Variants in ZBED6 observed in about 807,000 individuals in gnomAD.
ZBED6 encodes the protein zinc finger BED-type containing 6, also known as zinc finger BED domain-containing protein 6.
A neutral mutation model predicts 58.4 loss-of-function variants in ZBED6; 40 were observed. The observed-to-expected ratio is 0.68, with a 90% CI of 0.53 to 0.89. The LOEUF is 0.89. Among genes scored for constraint, ZBED6 ranks in the 40% least tolerant of loss-of-function variants. The pLI, the probability that ZBED6 is intolerant of heterozygous loss-of-function variation, is 0.00. For missense variants in ZBED6, 1,057 were observed against 1,003.9 expected, an observed-to-expected ratio of 1.05 and a Z score of -0.71; for synonymous variants, 439 against 350.6, an observed-to-expected ratio of 1.25 and a Z score of -2.82.
chr1:203,831,232 T>C (rs1247737538), intron 7 of ZBED6, among the ~76,000 whole-genome samples: 2 of 151,958 alleles, frequency 1.3e-5, no homozygotes, highest in Non-Finnish European at 2.9e-5. Flanking sequence ...TGAAGTGTAG[T>C]ATATATAGAG....
chr1:203,816,549 T>G (rs1415257914), intron 1 of ZBED6, among the ~76,000 whole-genome samples: 1 of 152,150 alleles, frequency 6.6e-6, no homozygotes, highest in Non-Finnish European at 1.5e-5. Flanking sequence ...GAGAATCCCT[T>G]GAGCCCAGGA....
At chr1:203,797,847 C>G in exon 1 of ZBED6, 1 of 1,536,066 alleles carries the variant, frequency 6.5e-7, no homozygotes, top group East Asian at 2.4e-5. Context: ...TGACCCTGAG[C>G]AGGATGAAGA....
At chr1:203,818,769 CTT>C in intron 3 of ZBED6, 80 bp downstream of exon 3, 5 of 1,599,556 alleles carry the variant, frequency 3.1e-6, no homozygotes, top group Non-Finnish European at 3.4e-6. Context: ...ACAAAAGTGA[CTT>C]TTAAAAAATA....
chr1:203,817,398 G>C (rs1325873846), intron 2 of ZBED6, among the ~76,000 whole-genome samples: 2 of 149,632 alleles, frequency 1.3e-5, no homozygotes, highest in Non-Finnish European at 3.0e-5. Flanking sequence ...TCTGTTCAGG[G>C]TGCCTTTGGA....
chr1:203,806,089 A>G, intron 1 of ZBED6: 2 of 503,972 alleles, frequency 4.0e-6, no homozygotes, highest in South Asian at 1.6e-5. Context: ...TTTCTGCGTA[A>G]TCATATTCTT....
chr1:203,828,107 C>G (rs760301314), intron 3 of ZBED6, among the ~76,000 whole-genome samples, 192 bp from the exon 4 acceptor site: 1 of 152,182 alleles, frequency 6.6e-6, no homozygotes, highest in Non-Finnish European at 1.5e-5. Flanking sequence ...AAACTACTCT[C>G]CTGCTCCATT....
intron 9 of ZBED6, chr1:203,835,499 GATTTTAAGAGCAGT>G (rs1229007018): frequency 6.4e-6 from 1 of 157,432 alleles, no homozygotes; most frequent in African/African-American, 2.4e-5. Context: ...AACAGTTCTA[GATTTTAAGAGCAGT>G]ATTTTATTTT....
exon 17 of ZBED6, chr1:203,853,175 CTTTTT>C (rs1271760500): frequency 6.6e-6 from 1 of 151,464 alleles, no homozygotes; most frequent in East Asian, 2.0e-4. Context: ...GAAAATTGTC[CTTTTT>C]CTTCTTCAGT....
exon 1 of ZBED6, chr1:203,800,266 C>T: frequency 9.6e-7 from 1 of 1,045,290 alleles, no homozygotes. Context: ...AGTTGGCAAT[C>T]TGAATGTATC....
At chr1:203,842,163 CCAGG>C (rs1447874049) in intron 11 of ZBED6, among the ~76,000 whole-genome samples, 2 of 151,664 alleles carry the variant, frequency 1.3e-5, no homozygotes, top group African/African-American at 4.8e-5. Context: ...CGATGGGCGG[CCAGG>C]CAGAGACGCT....
intron 1 of ZBED6, chr1:203,806,294 T>C (rs913517380): frequency 8.6e-6 from 2 of 231,572 alleles, no homozygotes; most frequent in Admixed American, 5.5e-5. Context: ...CCCATACACC[T>C]TTTTTTCTTT....
At chr1:203,805,741 T>TG (rs1463365607) in intron 1 of ZBED6, 2 of 669,180 alleles carry the variant, frequency 3.0e-6, no homozygotes, top group Non-Finnish European at 5.7e-6. Context: ...ATAGAACTCT[T>TG]GGTCAGCCAC....
chr1:203,850,480 C>G, intron 14 of ZBED6, 35 bp from the exon 15 acceptor site: 1 of 1,612,676 alleles, frequency 6.2e-7, no homozygotes, highest in Non-Finnish European at 8.5e-7. Flanking sequence ...AGAGTCTATT[C>G]TCACTGCTTA....
At chr1:203,817,921 T>G (rs1676912991) in intron 2 of ZBED6, among the ~76,000 whole-genome samples, 1 of 152,034 alleles carries the variant, frequency 6.6e-6, no homozygotes, top group Non-Finnish European at 1.5e-5. Context: ...CCCAGCTAAC[T>G]GTATTTTTAG....
At chr1:203,834,553 T>C (rs1683593253) in intron 9 of ZBED6, among the ~76,000 whole-genome samples, 1 of 152,160 alleles carries the variant, frequency 6.6e-6, no homozygotes, top group Admixed American at 6.5e-5. Context: ...ATTACAGGCA[T>C]GAGATACCAT....
chr1:203,827,606 C>T (rs377172105), intron 3 of ZBED6, among the ~76,000 whole-genome samples: 5 of 151,432 alleles, frequency 3.3e-5, no homozygotes, highest in East Asian at 3.9e-4. Flanking sequence ...GGCGTGAACC[C>T]GGGAGGCGGA....
At position 203,840,383 on chromosome 1, in the gene ZBED6, A is replaced by G. The variant is rs762758627; in HGVS notation, c.*3741+9A>G. ...TAATGAGGATGCAACAGGTAAGTAA[A>G]TCCTAAGACCAGATTCTGATTATTT... On this transcript the variant is annotated intron_variant, in intron 11 of 16. Coordinates refer to ENST00000550078, the Ensembl canonical transcript of ZBED6. 1.9e-6 allele frequency: 3 copies of G among 1,611,434 alleles called. No homozygotes were observed. Among genetic ancestry groups the G allele is most frequent in the Non-Finnish European group, 2.5e-6 (3 of 1,178,488 alleles).
chr1:203,800,404 G>A (rs7540041), exon 1 of ZBED6: 170,686 of 1,207,290 alleles, frequency 0.14, 14,306 homozygotes, highest in Admixed American at 0.31. Flanking sequence ...TTGGTTCTGA[G>A]CTGGGATCCT....
chr1:203,831,535 CTGAT>C, intron 7 of ZBED6, 122 bp from the exon 8 acceptor site: 2 of 711,698 alleles, frequency 2.8e-6, no homozygotes, highest in Admixed American at 2.4e-5. Context: ...TACAGAAAGG[CTGAT>C]TGGCTTATAG....
Sources: gnomAD v4.1 joint callset for allele counts (sites outside exome capture counted in the v4.1 genomes callset) on GRCh38, gnomAD v4.1.1 for gene constraint, MANE v1.5 for transcripts, NCBI Gene and HGNC (gene_info 2026-07-23, HGNC 2026-07-21) for gene names.